Variants in ADGRB1 observed in about 807,000 individuals in gnomAD.
The protein encoded by ADGRB1 is brain-specific angiogenesis inhibitor 1.
Under a neutral mutation model 175.7 loss-of-function variants are expected in ADGRB1, and 36 were observed. The ratio of observed to expected loss-of-function variants is 0.20; its 90% CI spans 0.16 to 0.27. ADGRB1 has a LOEUF of 0.27. Ranked by LOEUF, ADGRB1 falls within the 10% of genes least tolerant of loss-of-function variation. The pLI is 1.00. For synonymous variants in ADGRB1, 1,054 were observed against 979.4 expected (o/e 1.08, Z -1.42); for missense variants, 1,731 against 2,255.3 (o/e 0.77, Z 4.71).
rs367731209 is a variant in ADGRB1 at position 142,488,472 on chromosome 8, C to T, written c.2417C>T (p.Thr806Ile). The change falls in exon 14 of 31, where the codon ACT becomes ATT. Residue 806 changes from threonine to isoleucine, a missense_variant. Around this residue, in one of 8 missense-constraint regions of ADGRB1, gnomAD observed 388 missense variants for 630.9 expected, o/e 0.61. Coordinates refer to ENST00000517894, the MANE Select transcript of ADGRB1 (RefSeq NM_001702.3). ...GCCAAGGTGCCAGAGGACAGGGTCACTGTGTCCAAGAGTGTCTTCTCCACG... is the reference window on the plus strand; with the variant it reads ...GCCAAGGTGCCAGAGGACAGGGTCATTGTGTCCAAGAGTGTCTTCTCCACG... ...DWAKVPEDRV[T>I]VSKSVFSTGL... The T allele has an allele frequency of 6.2e-7, 1 of 1,612,908 alleles. No individual in the cohort carries two copies. The highest frequency in any genetic ancestry group is 8.5e-7 in the Non-Finnish European group (1 of 1,179,832).
At chr8:142,519,791 AGTG>A (rs1367400535) in intron 19 of ADGRB1, among the ~76,000 whole-genome samples, 3 of 102,762 alleles carry the variant, frequency 2.9e-5, no homozygotes, top group East Asian at 6.9e-4. Flanking sequence ...TGATGGTGGT[AGTG>A]GTGGTTGTGA....
intron 1 of ADGRB1, among the ~76,000 whole-genome samples, chr8:142,460,875 C>T (rs528805526): frequency 6.6e-6 from 1 of 152,352 alleles, no homozygotes; most frequent in South Asian, 2.1e-4. Context: ...GCCATCACCC[C>T]AGGGTGACCC....
chr8:142,486,619 G>C (rs376186619), intron 13 of ADGRB1, among the ~76,000 whole-genome samples: 1 of 152,242 alleles, frequency 6.6e-6, no homozygotes, highest in East Asian at 1.9e-4. Context: ...GGAAACCATA[G>C]CTTCGTGCCT....
intron 16 of ADGRB1, among the ~76,000 whole-genome samples, chr8:142,490,441 C>T (rs996932186): frequency 2.0e-5 from 3 of 152,190 alleles, no homozygotes; most frequent in Admixed American, 6.5e-5. Flanking sequence ...CACTAGGCCC[C>T]GGGGGAAGGG....
At position 142,511,201 on chromosome 8, in the gene ADGRB1, G is replaced by A. The variant is rs1351435370; in HGVS notation, c.2817+128G>A. On this transcript the variant is annotated intron_variant, in intron 18 of 30. Transcript: ENST00000517894. The surrounding 1 kb of genome is among the most constrained non-coding windows in gnomAD (Gnocchi z 4.5). ...GGAGGGGTCGCTGTGGCCCGCAGCC[G>A]CCGTGGCCTGGCCCGGCCGGCGGGG... The A allele has an allele frequency of 5.0e-6, 4 of 802,586 alleles. No homozygotes were observed. Among genetic ancestry groups the A allele is most frequent in the Admixed American group, 6.0e-5 (1 of 16,774 alleles). The allele number at this position is 802,586 out of a possible 1,614,324, so 49.7% of individuals were successfully genotyped here. A position where few individuals can be genotyped will look rare whatever the true frequency, so the allele number is the denominator to read the frequency against.
chr8:142,473,125 C>T (rs1046053222), intron 2 of ADGRB1, among the ~76,000 whole-genome samples: 2 of 152,166 alleles, frequency 1.3e-5, no homozygotes, highest in African/African-American at 2.4e-5. Context: ...TGAAAGGCTG[C>T]GTGCTGCAGC....
intron 18 of ADGRB1, among the ~76,000 whole-genome samples, chr8:142,512,793 A>C (rs940209358): frequency 6.6e-6 from 1 of 152,240 alleles, no homozygotes; most frequent in Non-Finnish European, 1.5e-5. Context: ...GCTGACCTCC[A>C]GAGTGGGCCT....
At chr8:142,466,733 G>A (rs1237824121) in intron 2 of ADGRB1, among the ~76,000 whole-genome samples, 1 of 152,162 alleles carries the variant, frequency 6.6e-6, no homozygotes, top group East Asian at 1.9e-4. Flanking sequence ...AGATATGGAG[G>A]GCTCTTTCAG....
rs149911728 is a variant in ADGRB1 at position 142,479,832 on chromosome 8, G to A, written c.1828+38G>A. On this transcript the variant is annotated intron_variant, in intron 9 of 30. Coordinates refer to ENST00000517894, the MANE Select transcript of ADGRB1 (RefSeq NM_001702.3). ...GAGCACGTGGTGTATGGGGGCTCCC[G>A]TCCTGTCCTCACGGTGATGCCCACG... is the stretch of plus-strand genomic sequence containing the variant. The A allele has an allele frequency of 1.2e-3, 1,879 of 1,582,676 alleles. 15 individuals carry two copies. In the African/African-American group the frequency reaches 0.021, roughly 17 times the overall value.
intron 2 of ADGRB1, among the ~76,000 whole-genome samples, chr8:142,471,716 G>A (rs1225402066): frequency 6.6e-6 from 1 of 152,246 alleles, no homozygotes; most frequent in African/African-American, 2.4e-5. Context: ...CCGGATGGTG[G>A]ACTTGGCTTC....
rs1475925948 is a variant in ADGRB1, at chr8:142,464,660, C to T, written c.462C>T (p.Asp154=). ...GGCGCCAGCAGCCGCCCCAGCACGA[C>T]GGGCTCCGGCCCCGGGCCGGGCCGC... ...QMRRQQPPQH[D]GLRPRAGPPG... The change falls in exon 2 of 31, where the codon GAC becomes GAT. Residue 154 remains aspartate, a synonymous_variant. Transcript: ENST00000517894. 6.6e-6 allele frequency: 10 copies of T among 1,521,902 alleles called. No individual in the cohort carries two copies. The highest frequency in any genetic ancestry group is 7.9e-6 in the Non-Finnish European group (9 of 1,140,240). 94.3% of individuals were successfully genotyped at this position (1,521,902 alleles called of 1,614,324 possible).
intron 16 of ADGRB1, 99 bp downstream of exon 16, chr8:142,489,537 A>C: frequency 3.1e-6 from 4 of 1,291,662 alleles, no homozygotes; most frequent in Non-Finnish European, 4.4e-6. Flanking sequence ...GCCTCCTCAC[A>C]ACAGCTTTAA....
rs202167669 is a variant in ADGRB1, at chr8:142,469,612, TGTGTATGCAC to T, written c.784+4634_784+4643del. Among the ~76,000 whole-genome samples the T allele has an allele frequency of 7.0e-3, 882 of 125,966 alleles. 8 individuals carry two copies. Among genetic ancestry groups the T allele is most frequent in the African/African-American group, 0.026 (811 of 30,896 alleles). The allele number at this position is 125,966 out of a possible 152,430, so 82.6% of individuals were successfully genotyped here. A position where few individuals can be genotyped will look rare whatever the true frequency, so the allele number is the denominator to read the frequency against. ...GAATGTGTGTGTGCACGTGCATGTG[TGTGTATGCAC>T]GTGCATGTGTGTATGTGCACGTGCG... is the stretch of plus-strand genomic sequence containing the variant. On this transcript the variant is annotated intron_variant, in intron 2 of 30. Transcript: ENST00000517894.
At chr8:142,470,471 C>T (rs1237762426) in intron 2 of ADGRB1, among the ~76,000 whole-genome samples, 2 of 151,556 alleles carry the variant, frequency 1.3e-5, no homozygotes. Context: ...ACAGGGGAGC[C>T]ACTCCTTTTG....
chr8:142,526,501 C>CGG, intron 23 of ADGRB1, 41 bp from the exon 24 acceptor site: 13 of 1,343,682 alleles, frequency 9.7e-6, no homozygotes, highest in Non-Finnish European at 1.3e-5. Flanking sequence ...GAGCCTACGG[C>CGG]GGCCCCCACC....
At position 142,520,994 on chromosome 8, in the gene ADGRB1, G is replaced by A. The variant is rs1170537789; in HGVS notation, c.3024+69G>A. The A allele has an allele frequency of 3.4e-6, 5 of 1,457,862 alleles. No homozygotes were observed. In the African/African-American group the frequency reaches 5.6e-5, roughly 16 times the overall value. 90.3% of individuals were successfully genotyped at this position (1,457,862 alleles called of 1,614,324 possible). On this transcript the variant is annotated intron_variant, in intron 20 of 30. Coordinates refer to ENST00000517894, the MANE Select transcript of ADGRB1 (RefSeq NM_001702.3). ...GGTGGTGAGGATGGACCCCAGGAGGGGCCTGGACCGTGGGATCCCTGGGAA... is the reference window on the plus strand; with the variant it reads ...GGTGGTGAGGATGGACCCCAGGAGGAGCCTGGACCGTGGGATCCCTGGGAA...
At chr8:142,481,218 G>C in intron 9 of ADGRB1, 36 bp from the exon 10 acceptor site, 1 of 1,590,800 alleles carries the variant, frequency 6.3e-7, no homozygotes, top group Non-Finnish European at 8.6e-7. Flanking sequence ...GGGCCAGGCA[G>C]CGGGCATCCA....
chr8:142,543,375 A>T lies in ADGRB1; in HGVS notation c.4414-28A>T, dbSNP rs1845397590. The T allele has an allele frequency of 6.2e-7, 1 of 1,613,252 alleles. No individual in the cohort carries two copies. The highest frequency in any genetic ancestry group is 1.3e-5 in the African/African-American group (1 of 74,910). On this transcript the variant is annotated intron_variant, in intron 28 of 30. Transcript: ENST00000517894. The surrounding 1 kb of genome is among the most constrained non-coding windows in gnomAD (Gnocchi z 4.4). ...GTGGACTTGTCAGGGACCCTTGGCG[A>T]ATGTTCGCAAACCCCTTCTCCCTGC...
At position 142,476,544 on chromosome 8, in the gene ADGRB1, G is replaced by C; in HGVS notation, c.947-41G>C. 2.0e-6 allele frequency: 3 copies of C among 1,523,270 alleles called. No individual in the cohort carries two copies. The African/African-American group carries it at 4.1e-5, about 21-fold the overall frequency. The allele number at this position is 1,523,270 out of a possible 1,614,324, so 94.4% of individuals were successfully genotyped here. ...GTGGCCACAGAGAGAGAGGACGGGGGCAAAGAACCGCTCCTGTGCTGACCT... is the reference window on the plus strand; with the variant it reads ...GTGGCCACAGAGAGAGAGGACGGGGCCAAAGAACCGCTCCTGTGCTGACCT... On this transcript the variant is annotated intron_variant, in intron 3 of 30. Transcript: ENST00000517894.
Sources: gnomAD v4.1 joint callset for allele counts (sites outside exome capture counted in the v4.1 genomes callset) on GRCh38, gnomAD v4.1.1 for gene constraint, gnomAD v4.1.1 regional missense constraint, Gnocchi (gnomAD v3.1) non-coding constraint, MANE v1.5 for transcripts, NCBI Gene and HGNC (gene_info 2026-07-23, HGNC 2026-07-21) for gene names.